ICA1L: variants seen among roughly 807,000 people sequenced by gnomAD.
The protein encoded by ICA1L is islet cell autoantigen 1-like protein.
In ICA1L, 50 loss-of-function variants were observed where a neutral mutation model predicts 61.3. The ratio of observed to expected loss-of-function variants is 0.82; its 90% CI spans 0.65 to 1.03. The LOEUF is 1.03. Among genes scored for constraint, ICA1L ranks in the 50% least tolerant of loss-of-function variants. The probability of loss-of-function intolerance (pLI) is 0.00; values close to 1 mark genes in which losing one functional copy is unlikely to be tolerated. For synonymous variants in ICA1L, 161 were observed against 191.3 expected (o/e 0.84, Z 1.31); for missense variants, 508 against 556.7 (o/e 0.91, Z 0.88).
intron 9 of ICA1L, among the ~76,000 whole-genome samples, chr2:202,805,854 C>T (rs940485122): frequency 5.9e-5 from 9 of 151,956 alleles, no homozygotes; most frequent in African/African-American, 1.9e-4. Flanking sequence ...CGGCAATGTT[C>T]GTTATATTTC....
intron 9 of ICA1L, among the ~76,000 whole-genome samples, chr2:202,806,061 G>C (rs529417195): frequency 6.6e-6 from 1 of 152,266 alleles, no homozygotes; most frequent in South Asian, 2.1e-4. Flanking sequence ...AGGCACTGTG[G>C]CTCACGCCTG....
intron 1 of ICA1L, among the ~76,000 whole-genome samples, chr2:202,860,709 G>A (rs773486470): frequency 1.6e-4 from 25 of 151,772 alleles, no homozygotes. Flanking sequence ...CCAAGATCAC[G>A]CCATTGCACT....
In ICA1L at chr2:202,786,020, A is replaced by G; in HGVS notation, c.1244-13T>C. ...TGGGAGACCCAGTCTGGGATAAAAG[A>G]AGTAAAAATTGTCCATTGTTAATCA... On this transcript the variant is annotated splice_polypyrimidine_tract_variant and intron_variant, in intron 11 of 12. Transcript: ENST00000358299. 1.3e-6 allele frequency: 2 copies of G among 1,512,172 alleles called. No individual in the cohort carries two copies. Among genetic ancestry groups the G allele is most frequent in the Non-Finnish European group, 1.8e-6 (2 of 1,097,710 alleles). 93.7% of individuals were successfully genotyped at this position (1,512,172 alleles called of 1,614,324 possible). A position where few individuals can be genotyped will look rare whatever the true frequency, so the allele number is the denominator to read the frequency against.
chr2:202,857,078 T>A (rs902813279), intron 1 of ICA1L, among the ~76,000 whole-genome samples: 2 of 152,188 alleles, frequency 1.3e-5, no homozygotes, highest in East Asian at 3.9e-4. Context: ...ATAGATTCAA[T>A]GCTATTCCCA....
rs1692242907 is a variant in ICA1L at position 202,776,985 on chromosome 2, C to T, written c.*2548G>A. The T allele has an allele frequency of 6.8e-6, 1 of 147,356 alleles. No homozygotes were observed. The highest frequency in any genetic ancestry group is 2.1e-4 in the South Asian group (1 of 4,724). The allele number at this position is 147,356 out of a possible 1,614,324, so 9.1% of individuals were successfully genotyped here. A position where few individuals can be genotyped will look rare whatever the true frequency, so the allele number is the denominator to read the frequency against. ...GGAGATAAATATCTCAGAACTAATG[C>T]ATTAGCAAGGTGACCACTACAAAGA... On this transcript the variant is annotated 3_prime_UTR_variant, in exon 13 of 13. Transcript: ENST00000358299.
chr2:202,847,865 T>C (rs925272920), intron 1 of ICA1L, among the ~76,000 whole-genome samples: 26 of 151,566 alleles, frequency 1.7e-4, no homozygotes, highest in African/African-American at 6.3e-4. Flanking sequence ...ATAAAGAAAA[T>C]GTGATACATA....
chr2:202,860,293 A>ATAC (rs1694876283), intron 1 of ICA1L: 1 of 59,894 alleles, frequency 1.7e-5, no homozygotes, highest in Non-Finnish European at 5.0e-5. Context: ...AATAATAATA[A>ATAC]TAATGATAAT....
At chr2:202,853,408 G>C (rs1043182471) in intron 1 of ICA1L, among the ~76,000 whole-genome samples, 2 of 148,798 alleles carry the variant, frequency 1.3e-5, no homozygotes, top group Non-Finnish European at 3.0e-5. Context: ...AAAAACCCTA[G>C]AAGAAAACCT....
chr2:202,785,831 AC>A, intron 12 of ICA1L, 86 bp downstream of exon 12: 2 of 720,802 alleles, frequency 2.8e-6, no homozygotes, highest in Non-Finnish European at 2.3e-6. Flanking sequence ...TGAGGTGAAA[AC>A]AATATAAAGT....
chr2:202,814,936 T>C (rs1222295595), intron 7 of ICA1L, 152 bp from the exon 8 acceptor site: 1 of 625,170 alleles, frequency 1.6e-6, no homozygotes, highest in Non-Finnish European at 2.8e-6. Context: ...GCTAATGTAA[T>C]CTGAACTGAG....
At position 202,786,742 on chromosome 2, in the gene ICA1L, T is replaced by C. The variant is rs1374754460; in HGVS notation, c.1244-735A>G. 7.0e-6 allele frequency: 3 copies of C among 429,600 alleles called. No individual in the cohort carries two copies. The East Asian group carries it at 2.1e-4, about 30-fold the overall frequency. The allele number at this position is 429,600 out of a possible 1,614,324, so 26.6% of individuals were successfully genotyped here. ...GAAATAATTTAGCTGAAGGAAGAAG[T>C]ACATGCATGATTTTTTTTTTTTTGC... On this transcript the variant is annotated intron_variant, in intron 11 of 12. Transcript: ENST00000358299.
Position 202,774,450 on chromosome 2 carries a change from G to C in ICA1L, c.*5083C>G, listed in dbSNP as rs953168207. On this transcript the variant is annotated 3_prime_UTR_variant, in exon 13 of 13. Transcript: ENST00000358299. ...TCCCCGTTCGTCCAGGCCAGCTCAA[G>C]AAACAACTTTTTCTTTCATGTTTTT... The C allele has an allele frequency of 3.6e-6, 2 of 562,138 alleles. No individual in the cohort carries two copies. The highest frequency in any genetic ancestry group is 5.6e-6 in the Non-Finnish European group (2 of 357,502). 34.8% of individuals were successfully genotyped at this position (562,138 alleles called of 1,614,324 possible).
At chr2:202,841,461 G>A in intron 1 of ICA1L, 1 of 970,640 alleles carries the variant, frequency 1.0e-6, no homozygotes, top group Non-Finnish European at 1.6e-6. Flanking sequence ...ATTGTACCTT[G>A]TCTATGGAGG....
rs751829389 is a variant in ICA1L, at chr2:202,828,917, G to C, written c.93C>G (p.Ile31Met). The stretch of plus-strand genomic sequence containing the variant: ...CATCCTCTTTTTTTCCTGTTGCTTT[G>C]ATAAAGACCTGTTTAGTTTTCCAGT... The part of the protein sequence containing the change: ...KKYWKTKQVF[I>M]KATGKKEDEH... The change falls in exon 2 of 13, where the codon ATC (isoleucine) becomes ATG (methionine). Residue 31 changes from isoleucine (I) to methionine (M), a missense_variant. By Grantham distance (10) the Ile-to-Met change is conservative. Transcript: ENST00000358299. 4 of 1,613,370 alleles carry C rather than the reference G, an allele frequency of 2.5e-6. No individual in the cohort carries two copies. The South Asian group carries it at 3.3e-5, about 13-fold the overall frequency.
At chr2:202,789,770 T>C (rs1458091357) in intron 10 of ICA1L, among the ~76,000 whole-genome samples, 1 of 152,222 alleles carries the variant, frequency 6.6e-6, no homozygotes, top group Non-Finnish European at 1.5e-5. Context: ...TATATCATAA[T>C]CCATGGTGTT....
At chr2:202,835,332 A>G (rs1694120925) in intron 1 of ICA1L, among the ~76,000 whole-genome samples, 1 of 147,726 alleles carries the variant, frequency 6.8e-6, no homozygotes, top group Non-Finnish European at 1.5e-5. Flanking sequence ...CAGTCTCCTG[A>G]GTAGCTGGGA....
intron 1 of ICA1L, among the ~76,000 whole-genome samples, chr2:202,857,747 A>G (rs1234895159): frequency 2.6e-5 from 4 of 152,214 alleles, no homozygotes; most frequent in Non-Finnish European, 5.9e-5. Flanking sequence ...TCTAATATCC[A>G]GAATCTACAA....
rs1410259621 is a variant in ICA1L at position 202,789,695 on chromosome 2, CCTT to C, written c.986-611_986-609del. ...GTTGTTACACCTGTAAATCTTAAAA[CCTT>C]CTACCAAACAACGTTGAAAAGGGAA... is the stretch of plus-strand genomic sequence containing the variant. On this transcript the variant is annotated intron_variant, in intron 10 of 12. Coordinates refer to ENST00000358299, the MANE Select transcript of ICA1L (RefSeq NM_001288622.3). Among the ~76,000 whole-genome samples, 19 of 152,170 alleles carry C rather than the reference CCTT, an allele frequency of 1.2e-4. 1 individual carries two copies. The highest frequency in any genetic ancestry group is 6.5e-5 in the Admixed American group (1 of 15,274).
chr2:202,792,417 C>T (rs182482387), intron 10 of ICA1L, among the ~76,000 whole-genome samples: 257 of 152,026 alleles, frequency 1.7e-3, no homozygotes, highest in African/African-American at 6.1e-3. Context: ...AGTATAATAG[C>T]CAAAAATTAT....
Sources: allele counts gnomAD v4.1 joint callset (sites outside exome capture counted in the v4.1 genomes callset), GRCh38; gene constraint gnomAD v4.1.1; transcripts MANE v1.5; gene names NCBI Gene and HGNC (gene_info 2026-07-23, HGNC 2026-07-21).